The following LYRM4 variants were observed in gnomAD, a reference collection of about 807,000 sequenced individuals.
LYRM4 encodes LYR motif-containing protein 4.
LYRM4 carries 9 observed loss-of-function variants against 11.7 expected under a neutral mutation model. That is an observed-to-expected ratio of 0.77 (90% CI 0.46 to 1.34). LYRM4 has a LOEUF of 1.34. Among genes scored for constraint, LYRM4 ranks in the 40% most tolerant of loss-of-function variants. LYRM4 has a pLI of 0.00. For synonymous variants in LYRM4, 42 were observed against 40.4 expected, an observed-to-expected ratio of 1.04 and a Z score of -0.15; for missense variants, 133 against 112.5, an observed-to-expected ratio of 1.18 and a Z score of -0.82.
At chr6:5,048,253 G>C in the LYRM4 span, among the ~76,000 whole-genome samples, 1 of 151,112 alleles carries the variant, frequency 6.6e-6, no homozygotes, top group African/African-American at 2.4e-5. Context: ...CAGCAGAATG[G>C]CAACATTACA....
At chr6:5,218,193 C>T in intron 1 of LYRM4, 1 of 933,068 alleles carries the variant, frequency 1.1e-6, no homozygotes, top group Non-Finnish European at 1.3e-6. Flanking sequence ...AAGCACACAC[C>T]ACAGTGCCTG....
chr6:5,105,779 A>ACTCCAGC (rs1449004944), downstream of LYRM4: 1 of 153,124 alleles, frequency 6.5e-6, no homozygotes, highest in Non-Finnish European at 1.5e-5. Flanking sequence ...ATGCCACTGC[A>ACTCCAGC]CTCCAGCCTG....
At chr6:5,099,795 T>C (rs1762445610), downstream of LYRM4, among the ~76,000 whole-genome samples, 2 of 152,212 alleles carry the variant, frequency 1.3e-5, no homozygotes, top group South Asian at 4.1e-4. The surrounding 1 kb of genome is among the most constrained non-coding windows in gnomAD (Gnocchi z 4.3). Context: ...GGTTGAGTCA[T>C]GTGCCAGGAA....
Position 5,119,820 on chromosome 6 carries a change from AC to A in LYRM4, c.208-10330del, listed in dbSNP as rs1480965126. 2.6e-3 allele frequency among the ~76,000 whole-genome samples: 395 copies of A among 149,058 alleles called. 3 individuals carry two copies. The highest frequency in any genetic ancestry group is 4.2e-3 in the South Asian group (20 of 4,710). ...AAAAAAAAAAAAAAAAAAAAAAAAA[AC>A]AACCACAAAAAAGGCCCACCATGTG... On this transcript the variant is annotated intron_variant, in intron 2 of 2. Coordinates refer to ENST00000330636, the MANE Select transcript of LYRM4 (RefSeq NM_020408.6).
intron 2 of LYRM4, among the ~76,000 whole-genome samples, chr6:5,118,960 G>C (rs1253291856): frequency 6.6e-6 from 1 of 152,196 alleles, no homozygotes; most frequent in Non-Finnish European, 1.5e-5. Flanking sequence ...TTATGCAACA[G>C]AGGAGTGCCT....
At chr6:5,172,390 G>C (rs1168154796) in intron 2 of LYRM4, among the ~76,000 whole-genome samples, 4 of 152,162 alleles carry the variant, frequency 2.6e-5, no homozygotes, top group Non-Finnish European at 5.9e-5. Context: ...TCGAGGGAGA[G>C]GAAGCTCTGG....
chr6:5,232,931 ACTT>A (rs1371377166), intron 1 of LYRM4, among the ~76,000 whole-genome samples: 2 of 152,220 alleles, frequency 1.3e-5, no homozygotes, highest in African/African-American at 4.8e-5. Flanking sequence ...GGGTAGACCA[ACTT>A]AACTGAGTTC....
intron 2 of LYRM4, among the ~76,000 whole-genome samples, chr6:5,202,892 T>C (rs1166487972): frequency 6.6e-6 from 1 of 152,186 alleles, no homozygotes; most frequent in South Asian, 2.1e-4. Flanking sequence ...TTATAGCATA[T>C]AATTCATTTG....
chr6:5,083,040 C>G, the LYRM4 span, among the ~76,000 whole-genome samples: 1 of 151,512 alleles, frequency 6.6e-6, no homozygotes, highest in Admixed American at 6.6e-5. Context: ...GAGAGCTCCC[C>G]GGGGGTGGGA....
chr6:5,162,619 A>C (rs1758834916), intron 2 of LYRM4, among the ~76,000 whole-genome samples: 1 of 152,222 alleles, frequency 6.6e-6, no homozygotes, highest in African/African-American at 2.4e-5. Context: ...GTATCTGTGA[A>C]GCCATCTGGT....
chr6:5,233,334 C>A (rs1434289575), intron 1 of LYRM4, among the ~76,000 whole-genome samples: 5 of 152,214 alleles, frequency 3.3e-5, no homozygotes, highest in African/African-American at 1.2e-4. Context: ...AAATACTAGT[C>A]CTAAGTGAGG....
chr6:5,122,447 CA>C lies in LYRM4; in HGVS notation c.208-12957del, dbSNP rs111887181. Reference sequence around the variant, plus strand: ...TGGAAAGGGCTTCCAGAGTAGGAACCAGAAGTCATACTTGTTTTTTTCTTTA... The same window carrying C: ...TGGAAAGGGCTTCCAGAGTAGGAACCGAAGTCATACTTGTTTTTTTCTTTA... On this transcript the variant is annotated intron_variant, in intron 2 of 2. Transcript: ENST00000330636. Among the ~76,000 whole-genome samples the C allele has an allele frequency of 3.6e-3, 553 of 152,232 alleles. 3 individuals carry two copies. The highest frequency in any genetic ancestry group is 0.013 in the African/African-American group (529 of 41,538).
chr6:5,118,094 A>ATATATTTTTTTTTT, intron 2 of LYRM4, among the ~76,000 whole-genome samples: 6 of 86,130 alleles, frequency 7.0e-5, no homozygotes, highest in African/African-American at 1.2e-4. Flanking sequence ...ATATATATAT[A>ATATATTTTTTTTTT]TTTTTGTTTT....
chr6:5,168,065 T>C (rs899300269), intron 2 of LYRM4, among the ~76,000 whole-genome samples: 1 of 150,598 alleles, frequency 6.6e-6, no homozygotes, highest in Non-Finnish European at 1.5e-5. Context: ...TCATGGATTG[T>C]AATGTGCTGA....
the LYRM4 span, among the ~76,000 whole-genome samples, chr6:5,081,411 C>T: frequency 4.0e-4 from 61 of 152,192 alleles, no homozygotes; most frequent in Non-Finnish European, 7.1e-4. Context: ...TCCCCATGGG[C>T]TGCAAGGTGG....
the LYRM4 span, chr6:5,085,347 C>G: frequency 4.8e-6 from 3 of 626,996 alleles, no homozygotes; most frequent in African/African-American, 5.8e-5. Flanking sequence ...ACTACGTTGT[C>G]TTGTCGAGCC....
At chr6:5,114,533 C>T (rs895958648) in intron 2 of LYRM4, among the ~76,000 whole-genome samples, 2 of 152,136 alleles carry the variant, frequency 1.3e-5, no homozygotes, top group African/African-American at 4.8e-5. Context: ...AAAAATGTCC[C>T]TATCACCTGG....
At chr6:5,123,746 G>C (rs937247603) in intron 2 of LYRM4, among the ~76,000 whole-genome samples, 1 of 152,258 alleles carries the variant, frequency 6.6e-6, no homozygotes, top group African/African-American at 2.4e-5. Context: ...CGGCAGTTCA[G>C]TATTTTGAGT....
At chr6:5,120,223 A>C (rs1042192873) in intron 2 of LYRM4, among the ~76,000 whole-genome samples, 1 of 152,166 alleles carries the variant, frequency 6.6e-6, no homozygotes, top group African/African-American at 2.4e-5. Context: ...ATGGATCTCA[A>C]AGAGCCCAAA....
Sources: gnomAD v4.1 joint callset for allele counts (sites outside exome capture counted in the v4.1 genomes callset) on GRCh38, gnomAD v4.1.1 for gene constraint, Gnocchi (gnomAD v3.1) non-coding constraint, MANE v1.5 for transcripts, NCBI Gene and HGNC (gene_info 2026-07-23, HGNC 2026-07-21) for gene names.